Variants in AUTS2 observed in about 807,000 individuals in gnomAD.
AUTS2 encodes activator of transcription and developmental regulator AUTS2, also known as autism susceptibility gene 2 protein.
Under a neutral mutation model 112.4 loss-of-function variants are expected in AUTS2, and 17 were observed. The ratio of observed to expected loss-of-function variants is 0.15; its 90% confidence interval spans 0.10 to 0.23. AUTS2 has a LOEUF of 0.23. Ranked by LOEUF, AUTS2 falls within the 10% of genes least tolerant of loss-of-function variation. The pLI is 1.00. For synonymous variants in AUTS2, 751 were observed against 702.7 expected (o/e 1.07, Z -1.09); for missense variants, 1,510 against 1,701.6 (o/e 0.89, Z 1.98).
intron 4 of AUTS2, among the ~76,000 whole-genome samples, chr7:70,303,434 GCACATACACA>G (rs1281272109): frequency 4.9e-5 from 7 of 142,052 alleles, no homozygotes; most frequent in South Asian, 4.5e-4. Flanking sequence ...GCGCGCGCGC[GCACATACACA>G]CACACACACA....
At chr7:70,139,078 C>T (rs1562731222) in intron 4 of AUTS2, among the ~76,000 whole-genome samples, 2 of 152,124 alleles carry the variant, frequency 1.3e-5, no homozygotes, top group Non-Finnish European at 2.9e-5. Context: ...GTGATCCTCC[C>T]ACCTCAGCCT....
chr7:69,743,082 C>T (rs577380145), intron 1 of AUTS2, among the ~76,000 whole-genome samples: 2 of 152,234 alleles, frequency 1.3e-5, no homozygotes, highest in South Asian at 4.2e-4. Flanking sequence ...CTTTCCAGGC[C>T]CAGTACTTTG....
At chr7:70,210,675 AG>A (rs904750319) in intron 4 of AUTS2, among the ~76,000 whole-genome samples, 1 of 152,192 alleles carries the variant, frequency 6.6e-6, no homozygotes, top group African/African-American at 2.4e-5. Flanking sequence ...GCAGAGGGGA[AG>A]GTTAGCAAGT....
chr7:70,119,965 A>G (rs1249464210), intron 3 of AUTS2: 2 of 152,336 alleles, frequency 1.3e-5, no homozygotes, highest in African/African-American at 2.4e-5. Context: ...ATTAAACTTT[A>G]CTAGTATTCA....
At chr7:70,557,179 G>A (rs1427779404) in intron 5 of AUTS2, among the ~76,000 whole-genome samples, 1 of 152,180 alleles carries the variant, frequency 6.6e-6, no homozygotes, top group African/African-American at 2.4e-5. Context: ...GCAGAGGGGA[G>A]TTTCATCTTT....
At chr7:70,361,202 G>A (rs1377838731) in intron 4 of AUTS2, among the ~76,000 whole-genome samples, 2 of 152,186 alleles carry the variant, frequency 1.3e-5, no homozygotes, top group Non-Finnish European at 2.9e-5. Context: ...GCGTGGTGGC[G>A]GACGCCCGTA....
chr7:70,788,886 C>G (rs1006901754), intron 18 of AUTS2, among the ~76,000 whole-genome samples: 3 of 152,310 alleles, frequency 2.0e-5, no homozygotes, highest in South Asian at 4.1e-4. Flanking sequence ...AGTTTTAACT[C>G]AAGTTTTACC....
At chr7:70,236,406 G>A (rs1310098772) in intron 4 of AUTS2, among the ~76,000 whole-genome samples, 1 of 152,140 alleles carries the variant, frequency 6.6e-6, no homozygotes, top group African/African-American at 2.4e-5. Context: ...TGTGCCAGGT[G>A]GAAATGGAGT....
chr7:70,734,962 T>C (rs1449537298), intron 6 of AUTS2, among the ~76,000 whole-genome samples: 1 of 151,580 alleles, frequency 6.6e-6, no homozygotes, highest in African/African-American at 2.4e-5. Flanking sequence ...GAGATAATTA[T>C]AAGCTTTCAA....
intron 2 of AUTS2, among the ~76,000 whole-genome samples, chr7:70,040,046 C>T (rs1007193987): frequency 2.6e-5 from 4 of 152,080 alleles, no homozygotes; most frequent in African/African-American, 4.8e-5. Flanking sequence ...AAAAAATGAT[C>T]AGTGGTTGCT....
In AUTS2 at chr7:69,867,739, C is replaced by T. The variant is rs971676153; in HGVS notation, c.310-31547C>T. 4.5e-4 allele frequency among the ~76,000 whole-genome samples: 69 copies of T among 152,210 alleles called. 1 individual carries two copies. Among genetic ancestry groups the T allele is most frequent in the Admixed American group, 3.9e-3 (59 of 15,280 alleles). On this transcript the variant is annotated intron_variant, in intron 1 of 18. Transcript: ENST00000342771. ...ATCTTCCTTTGTTTTTAACTAAGCT[C>T]GTTACCTTCACCCTGGTTTCATAAT...
intron 1 of AUTS2, among the ~76,000 whole-genome samples, chr7:69,686,155 T>C (rs982440535): frequency 2.0e-5 from 3 of 152,202 alleles, no homozygotes; most frequent in Non-Finnish European, 4.4e-5. Flanking sequence ...CTCATAGTGC[T>C]GTGATAAAAT....
intron 1 of AUTS2, among the ~76,000 whole-genome samples, chr7:69,783,057 C>T (rs1379417170): frequency 1.3e-5 from 2 of 151,420 alleles, no homozygotes; most frequent in Admixed American, 1.3e-4. Context: ...CAAGGTAATC[C>T]CTTTGACCCT....
intron 1 of AUTS2, among the ~76,000 whole-genome samples, chr7:69,801,210 G>A (rs532623253): frequency 6.7e-6 from 1 of 150,246 alleles, no homozygotes; most frequent in Non-Finnish European, 1.5e-5. Flanking sequence ...AATTAATGGG[G>A]TGACTGGCAG....
At chr7:70,622,804 C>A (rs933065812) in intron 5 of AUTS2, among the ~76,000 whole-genome samples, 1 of 152,038 alleles carries the variant, frequency 6.6e-6, no homozygotes, top group Non-Finnish European at 1.5e-5. Context: ...CTTTGTGGAC[C>A]AAAAGAAAGG....
At chr7:70,022,724 A>G (rs1800331284) in intron 2 of AUTS2, among the ~76,000 whole-genome samples, 1 of 151,858 alleles carries the variant, frequency 6.6e-6, no homozygotes, top group Admixed American at 6.6e-5. Context: ...GGGAAGTGGC[A>G]TTCTTGGTGG....
chr7:70,020,476 A>G (rs972716187), intron 2 of AUTS2, among the ~76,000 whole-genome samples: 3 of 152,086 alleles, frequency 2.0e-5, no homozygotes, highest in Non-Finnish European at 4.4e-5. Context: ...TATTTACAGT[A>G]TGCTATACAA....
At chr7:70,246,904 T>A (rs923538851) in intron 4 of AUTS2, among the ~76,000 whole-genome samples, 1 of 152,128 alleles carries the variant, frequency 6.6e-6, no homozygotes, top group Non-Finnish European at 1.5e-5. Context: ...ATGTTTTTTT[T>A]ATTACCTATT....
chr7:70,755,701 A>G (rs566109701), intron 6 of AUTS2, among the ~76,000 whole-genome samples: 1 of 152,276 alleles, frequency 6.6e-6, no homozygotes, highest in South Asian at 2.1e-4. Flanking sequence ...AGGCAATTTA[A>G]AAAGACTTGA....
Sources: allele counts gnomAD v4.1 joint callset (sites outside exome capture counted in the v4.1 genomes callset), GRCh38; gene constraint gnomAD v4.1.1; transcripts MANE v1.5; gene names NCBI Gene and HGNC (gene_info 2026-07-23, HGNC 2026-07-21).